Variants in PKHD1 observed in about 807,000 individuals in gnomAD.
PKHD1 encodes PKHD1 ciliary IPT domain containing fibrocystin/polyductin, also known as fibrocystin.
A neutral mutation model predicts 412.0 loss-of-function variants in PKHD1; 291 were observed. The observed-to-expected ratio is 0.71, with a 90% CI of 0.64 to 0.78. The LOEUF (loss-of-function observed/expected upper bound fraction) is 0.78. Ranked by LOEUF, PKHD1 falls within the 30% of genes least tolerant of loss-of-function variation. The pLI, the probability that PKHD1 is intolerant of heterozygous loss-of-function variation, is 0.00. For missense variants in PKHD1, 4,825 were observed against 4,950.7 expected, an observed-to-expected ratio of 0.97 and a Z score of 0.76; for synonymous variants, 1,777 against 1,821.5, an observed-to-expected ratio of 0.98 and a Z score of 0.62.
intron 55 of PKHD1, among the ~76,000 whole-genome samples, chr6:51,766,480 G>T (rs1789032027): frequency 6.6e-6 from 1 of 151,864 alleles, no homozygotes; most frequent in Non-Finnish European, 1.5e-5. Context: ...TTTAAAAATG[G>T]TATTCCATTA....
intron 52 of PKHD1, among the ~76,000 whole-genome samples, chr6:51,823,093 CAAA>C (rs35945486): frequency 7.2e-6 from 1 of 139,574 alleles, no homozygotes. Context: ...GCTATAGTAG[CAAA>C]AAAAAAAAAA....
At chr6:51,811,769 A>G (rs546132469) in intron 52 of PKHD1, among the ~76,000 whole-genome samples, 1 of 152,198 alleles carries the variant, frequency 6.6e-6, no homozygotes, top group African/African-American at 2.4e-5. Flanking sequence ...TAATATTTTT[A>G]AAGTTATTCA....
At chr6:51,919,693 G>C (rs1784390324) in intron 37 of PKHD1, among the ~76,000 whole-genome samples, 1 of 152,148 alleles carries the variant, frequency 6.6e-6, no homozygotes, top group Non-Finnish European at 1.5e-5. Flanking sequence ...GATGGGGATG[G>C]CATTGAATCT....
At position 51,649,116 on chromosome 6, in the gene PKHD1, A is replaced by G; in HGVS notation, c.11279T>C (p.Val3760Ala). 2 of 1,613,890 alleles carry G rather than the reference A, an allele frequency of 1.2e-6. No homozygotes were observed. Among genetic ancestry groups the G allele is most frequent in the Non-Finnish European group, 1.7e-6 (2 of 1,179,796 alleles). ...ATCCAAAAATACCAATTGTGGCTGC[A>G]CTGGAAGCTCATTTCCCACTTCTCC... is the stretch of plus-strand genomic sequence containing the variant. ...SDGEVGNELPVQPQLVFLDEQ... is the reference protein window; with the variant it reads ...SDGEVGNELPAQPQLVFLDEQ... Residue 3760 changes from valine (V) to alanine (A), a missense_variant, in exon 62 of 67, where the codon GTG (valine) becomes GCG (alanine). Val to Ala is a moderately conservative substitution (Grantham distance 64). Transcript: ENST00000371117.
At chr6:51,873,899 G>A (rs192740521) in intron 46 of PKHD1, among the ~76,000 whole-genome samples, 1 of 152,136 alleles carries the variant, frequency 6.6e-6, no homozygotes. Flanking sequence ...ATTGCAAATT[G>A]AAAGTGCAAA....
At chr6:51,623,480 C>T (rs1287644725) in intron 66 of PKHD1, among the ~76,000 whole-genome samples, 1 of 152,052 alleles carries the variant, frequency 6.6e-6, no homozygotes, top group African/African-American at 2.4e-5. Context: ...ATTTATAAAT[C>T]ATGGTAGTTA....
At chr6:51,713,383 G>A (rs1780869329) in intron 60 of PKHD1, among the ~76,000 whole-genome samples, 1 of 152,124 alleles carries the variant, frequency 6.6e-6, no homozygotes, top group African/African-American at 2.4e-5. Context: ...AATCTGTGAT[G>A]GGGAAAAAAA....
chr6:51,669,168 T>TGC (rs781095773), intron 60 of PKHD1, among the ~76,000 whole-genome samples: 41,313 of 151,566 alleles, frequency 0.27, 6,308 homozygotes, highest in South Asian at 0.4. Context: ...TGTGAATCCA[T>TGC]CTGGTCCTGG....
intron 36 of PKHD1, among the ~76,000 whole-genome samples, chr6:51,949,523 C>G (rs1477128730): frequency 6.6e-6 from 1 of 152,158 alleles, no homozygotes; most frequent in African/African-American, 2.4e-5. Flanking sequence ...CATTGTGACA[C>G]GGATGGACAC....
At chr6:52,040,581 C>T (rs1186741510) in intron 27 of PKHD1, among the ~76,000 whole-genome samples, 1 of 152,186 alleles carries the variant, frequency 6.6e-6, no homozygotes, top group Non-Finnish European at 1.5e-5. Flanking sequence ...TCATCTTCTA[C>T]TGCTCTCCCC....
At chr6:51,906,185 G>T in intron 41 of PKHD1, 30 bp downstream of exon 41, 1 of 1,592,830 alleles carries the variant, frequency 6.3e-7, no homozygotes, top group Non-Finnish European at 8.6e-7. Flanking sequence ...ACACAAGAAT[G>T]CAGAAATTCA....
intron 65 of PKHD1, among the ~76,000 whole-genome samples, chr6:51,631,459 A>G (rs1044487714): frequency 6.6e-6 from 1 of 152,150 alleles, no homozygotes; most frequent in African/African-American, 2.4e-5. Flanking sequence ...TCCTTTCCCA[A>G]GCATCTCTCA....
In PKHD1 at chr6:52,025,686, A is replaced by C. The variant is rs1450352433; in HGVS notation, c.4124T>G (p.Phe1375Cys). ...CTGGAGCACCACAGACATATTAGCA[A>C]ATCCCATCTGCTTCTGACGTACTTG... ...PLQVRQKQMGFANMSVVLQQF... is the reference protein window; with the variant it reads ...PLQVRQKQMGCANMSVVLQQF... Residue 1375 changes from phenylalanine to cysteine, a missense_variant, in exon 32 of 67, where the codon TTT becomes TGT. Transcript: ENST00000371117. The C allele has an allele frequency of 1.9e-6, 3 of 1,614,196 alleles. No individual in the cohort carries two copies.
At chr6:51,714,280 G>A (rs1780997650) in intron 60 of PKHD1, among the ~76,000 whole-genome samples, 1 of 152,192 alleles carries the variant, frequency 6.6e-6, no homozygotes, top group Non-Finnish European at 1.5e-5. Flanking sequence ...TGAGGCAGGA[G>A]AGTTGCTTGA....
At chr6:51,679,958 T>C (rs1307025679) in intron 60 of PKHD1, among the ~76,000 whole-genome samples, 1 of 152,052 alleles carries the variant, frequency 6.6e-6, no homozygotes, top group African/African-American at 2.4e-5. Context: ...GTTCAAATCC[T>C]GGCTCTGCTT....
chr6:51,979,512 T>C (rs1249228345), intron 35 of PKHD1, among the ~76,000 whole-genome samples: 1 of 151,822 alleles, frequency 6.6e-6, no homozygotes. Context: ...AAAATTAACC[T>C]CACTCATTCA....
chr6:52,024,829 T>A lies in PKHD1; in HGVS notation c.4981A>T (p.Ile1661Phe). ...GYNKAFTPEL[I>F]SISQSDDILT... ...ATGTCATCGCTCTGAGAAATAGAGA[T>A]CAATTCTGGGGTAAAGGCCTTGTTA... Residue 1661 changes from isoleucine (I) to phenylalanine (F), a missense_variant, in exon 32 of 67, where the codon ATC becomes TTC. Physicochemically the swap from Ile to Phe is conservative, Grantham distance 21 (BLOSUM62 0). Coordinates refer to ENST00000371117, the MANE Select transcript of PKHD1 (RefSeq NM_138694.4). 1 of 1,614,132 alleles carries A rather than the reference T, an allele frequency of 6.2e-7. No homozygotes were observed. The highest frequency in any genetic ancestry group is 8.5e-7 in the Non-Finnish European group (1 of 1,180,028).
At chr6:52,066,106 A>C (rs969635981) in intron 11 of PKHD1, 29 bp from the exon 12 acceptor site, 4 of 1,048,678 alleles carry the variant, frequency 3.8e-6, no homozygotes, top group Non-Finnish European at 6.0e-6. Context: ...AAAAAAAGTA[A>C]GCTTCCAAAT....
At chr6:51,857,620 A>C (rs1233304145) in intron 48 of PKHD1, among the ~76,000 whole-genome samples, 1 of 152,238 alleles carries the variant, frequency 6.6e-6, no homozygotes, top group Non-Finnish European at 1.5e-5. Context: ...GATAATCTAC[A>C]TAAAGCACTC....
Sources: gnomAD v4.1 joint callset for allele counts (sites outside exome capture counted in the v4.1 genomes callset) on GRCh38, gnomAD v4.1.1 for gene constraint, MANE v1.5 for transcripts, NCBI Gene and HGNC (gene_info 2026-07-23, HGNC 2026-07-21) for gene names.